Variants in TEX14 observed in about 807,000 individuals in gnomAD.
TEX14 encodes the protein inactive serine/threonine-protein kinase TEX14.
In TEX14, 168 loss-of-function variants were observed where a neutral mutation model predicts 178.6. That is an observed-to-expected ratio of 0.94 (90% CI 0.83 to 1.07). The LOEUF is 1.07. Ranked by LOEUF, TEX14 falls within the 50% of genes least tolerant of loss-of-function variation. The pLI is 0.00. For missense variants in TEX14, 1,730 were observed against 1,753.6 expected (o/e 0.99, Z 0.24); for synonymous variants, 626 against 634.1 (o/e 0.99, Z 0.19).
Position 58,584,549 on chromosome 17 carries a change from G to A in TEX14, c.3122C>T (p.Ala1041Val), listed in dbSNP as rs756987324. 6.8e-6 allele frequency: 11 copies of A among 1,613,998 alleles called. No homozygotes were observed. The highest frequency in any genetic ancestry group is 1.7e-5 in the Admixed American group (1 of 59,986). Reference sequence around the variant, plus strand: ...CAATGTGTCAGAACTTGCTTGGAAGGCTTCACTATGCTCTGGTTGCTCCTT... The same window carrying A: ...CAATGTGTCAGAACTTGCTTGGAAGACTTCACTATGCTCTGGTTGCTCCTT... ...RQKEQPEHSE[A>V]FQASSDTLVA... Residue 1041 changes from alanine to valine, a missense_variant, in exon 19 of 32, where the codon GCC (alanine) becomes GTC (valine). Transcript: ENST00000349033.
intron 1 of TEX14, chr17:58,675,600 TATA>T (rs1677382096): frequency 6.6e-6 from 1 of 152,208 alleles, no homozygotes; most frequent in Admixed American, 6.6e-5. Flanking sequence ...AATTGTATGG[TATA>T]ATATTAACAG....
In TEX14 at chr17:58,647,614, C is replaced by CA. The variant is rs67832814; in HGVS notation, c.136+4251dup. Among the ~76,000 whole-genome samples, 407 of 115,278 alleles carry CA rather than the reference C, an allele frequency of 3.5e-3. 1 individual carries two copies. Among genetic ancestry groups the CA allele is most frequent in the East Asian group, 8.8e-3 (38 of 4,304 alleles). The allele number at this position is 115,278 out of a possible 152,430, so 75.6% of individuals were successfully genotyped here. A position where few individuals can be genotyped will look rare whatever the true frequency, so the allele number is the denominator to read the frequency against. ...AACCAAGAGTGTGCTTGAGGTCAGG[C>CA]AAAAAAAAAAAAAAAAAATTTGTTC... On this transcript the variant is annotated intron_variant, in intron 2 of 31. Transcript: ENST00000349033.
At chr17:58,572,252 TAAAAC>T in intron 23 of TEX14, 126 bp from the exon 24 acceptor site, 1 of 585,940 alleles carries the variant, frequency 1.7e-6, no homozygotes, top group Non-Finnish European at 2.9e-6. Context: ...TTTACATTAT[TAAAAC>T]AAACAAACAA....
intron 11 of TEX14, among the ~76,000 whole-genome samples, chr17:58,603,182 G>C (rs1363367571): frequency 6.6e-6 from 1 of 151,584 alleles, no homozygotes; most frequent in Non-Finnish European, 1.5e-5. Flanking sequence ...TGTACACATG[G>C]GCTCCCCGCT....
chr17:58,569,548 G>A lies in TEX14; in HGVS notation c.3818-288C>T, dbSNP rs1267545. Among the ~76,000 whole-genome samples, 55,205 of 151,946 alleles carry A rather than the reference G, an allele frequency of 0.36. 10,401 individuals carry two copies. Among genetic ancestry groups the A allele is most frequent in the East Asian group, 0.51 (2,629 of 5,170 alleles). On this transcript the variant is annotated intron_variant, in intron 25 of 31. Transcript: ENST00000349033. This position sits in a 1 kb window ranked among gnomAD's most constrained non-coding sequence, Gnocchi z 4.1. ...TCCTAAGGATATTTGGAGGAGGTAA[G>A]GTACAAATTCTTACTAAGTGGCTCA...
At chr17:58,627,425 A>C (rs2046170822) in intron 3 of TEX14, among the ~76,000 whole-genome samples, 1 of 152,186 alleles carries the variant, frequency 6.6e-6, no homozygotes, top group South Asian at 2.1e-4. Flanking sequence ...GATGATGGTC[A>C]TGACTATATC....
chr17:58,579,113 C>G (rs912712379), intron 20 of TEX14, among the ~76,000 whole-genome samples: 1 of 152,204 alleles, frequency 6.6e-6, no homozygotes, highest in African/African-American at 2.4e-5. Flanking sequence ...AAAAGAAAGC[C>G]CCTGCTAAGT....
intron 9 of TEX14, among the ~76,000 whole-genome samples, chr17:58,612,786 T>C (rs1204371585): frequency 6.0e-5 from 9 of 150,482 alleles, no homozygotes; most frequent in Non-Finnish European, 1.2e-4. Context: ...CATGCACCTG[T>C]AGTCTCAGCT....
At chr17:58,582,970 C>CTTT (rs34304842) in intron 19 of TEX14, among the ~76,000 whole-genome samples, 1 of 134,702 alleles carries the variant, frequency 7.4e-6, no homozygotes, top group Non-Finnish European at 1.6e-5. Context: ...TCACTTCAGT[C>CTTT]TTTTTTTTTT....
rs553754986 is a variant in TEX14 at position 58,572,009 on chromosome 17, TCAGA to T, written c.3625_3628del (p.Ser1209MetfsTer4). On this transcript the variant is annotated frameshift_variant, in exon 24 of 32. Transcript: ENST00000349033. LOFTEE classifies it high-confidence loss of function. ...TCTCTCTCGGACACTTATAAAGTCA[TCAGA>T]CAAAGTTTGAATAAATTCTTGACTG... 464 of 1,614,030 alleles carry T rather than the reference TCAGA, an allele frequency of 2.9e-4. 1 individual carries two copies. The highest frequency in any genetic ancestry group is 3.8e-4 in the Non-Finnish European group (444 of 1,180,006).
chr17:58,658,709 G>A (rs1299441011), intron 1 of TEX14, among the ~76,000 whole-genome samples: 2 of 151,896 alleles, frequency 1.3e-5, no homozygotes, highest in East Asian at 1.9e-4. Context: ...CAGAACAAAA[G>A]GCTAACATAG....
Position 58,601,857 on chromosome 17 carries a change from C to G in TEX14, c.1627G>C (p.Glu543Gln), listed in dbSNP as rs2045457393. The change falls in exon 13 of 32, where the codon GAA (glutamate) becomes CAA (glutamine). Residue 543 changes from glutamate to glutamine, a missense_variant. By Grantham distance (29) the Glu-to-Gln change is conservative. Around this residue, in one of 2 missense-constraint regions of TEX14, gnomAD observed 789 missense variants for 681.2 expected, o/e 1.16. Coordinates refer to ENST00000349033, the MANE Select transcript of TEX14 (RefSeq NM_031272.5). Reference protein sequence around the residue: ...DVNVYLGLTSEHPRETPDMEI... With the variant: ...DVNVYLGLTSQHPRETPDMEI... ...ATGTCAGGTGTCTCTCTGGGGTGTT[C>G]TGAAGTCAGTCCTAGATAGACATTG... 1 of 1,613,376 alleles carries G rather than the reference C, an allele frequency of 6.2e-7. No homozygotes were observed. Among genetic ancestry groups the G allele is most frequent in the Non-Finnish European group, 8.5e-7 (1 of 1,179,982 alleles).
chr17:58,626,487 T>C (rs2046143530), intron 3 of TEX14, among the ~76,000 whole-genome samples: 1 of 144,762 alleles, frequency 6.9e-6, no homozygotes, highest in Non-Finnish European at 1.5e-5. Flanking sequence ...GGAGAATTGC[T>C]GGAACCCTGT....
chr17:58,557,535 T>G (rs2044165863), intron 31 of TEX14, among the ~76,000 whole-genome samples: 1 of 152,152 alleles, frequency 6.6e-6, no homozygotes, highest in South Asian at 2.1e-4. Flanking sequence ...CCTCCCAAAG[T>G]GCTGGGATTA....
chr17:58,653,417 C>T (rs1277306367), intron 1 of TEX14, among the ~76,000 whole-genome samples: 4 of 152,150 alleles, frequency 2.6e-5, no homozygotes, highest in African/African-American at 9.7e-5. Context: ...GGTGTACCTA[C>T]TGCTATGGTT....
chr17:58,571,782 G>C, intron 24 of TEX14, 139 bp downstream of exon 24: 1 of 682,882 alleles, frequency 1.5e-6, no homozygotes, highest in Non-Finnish European at 2.5e-6. Flanking sequence ...AGACTCAAGA[G>C]AGGAGTCCCA....
chr17:58,601,749 G>A (rs769846731), intron 13 of TEX14, 57 bp downstream of exon 13: 35 of 1,512,984 alleles, frequency 2.3e-5, no homozygotes, highest in Non-Finnish European at 2.8e-5. Flanking sequence ...TGCAGCTCAT[G>A]TGACTCTCAG....
intron 8 of TEX14, 51 bp from the exon 9 acceptor site, chr17:58,613,595 G>A (rs1390013836): frequency 3.8e-6 from 6 of 1,580,510 alleles, no homozygotes; most frequent in African/African-American, 1.4e-5. Context: ...AGGATATGAT[G>A]AAAAAATGAG....
chr17:58,604,227 C>T (rs1429394182), intron 11 of TEX14, among the ~76,000 whole-genome samples: 1 of 151,660 alleles, frequency 6.6e-6, no homozygotes, highest in African/African-American at 2.4e-5. Flanking sequence ...AATCTCAGCA[C>T]TTCAGGAGGC....
Sources: gnomAD v4.1 joint callset for allele counts (sites outside exome capture counted in the v4.1 genomes callset) on GRCh38, gnomAD v4.1.1 for gene constraint, gnomAD v4.1.1 regional missense constraint, Gnocchi (gnomAD v3.1) non-coding constraint, MANE v1.5 for transcripts, NCBI Gene and HGNC (gene_info 2026-07-23, HGNC 2026-07-21) for gene names.